ANOS1: variants seen among roughly 807,000 people sequenced by gnomAD.
ANOS1 encodes the protein anosmin 1.
Under a neutral mutation model 59.0 loss-of-function variants are expected in ANOS1, and 6 were observed. The observed-to-expected ratio is 0.10, with a 90% CI of 0.06 to 0.20. The LOEUF (loss-of-function observed/expected upper bound fraction) is 0.20. Among genes scored for constraint, ANOS1 ranks in the 10% least tolerant of loss-of-function variants. ANOS1 has a pLI of 1.00. For missense variants in ANOS1, 433 were observed against 542.3 expected (o/e 0.80, Z 2.00); for synonymous variants, 217 against 223.4 (o/e 0.97, Z 0.25).
intron 6 of ANOS1, among the ~76,000 whole-genome samples, chrX:8,575,997 T>C (rs1315665777): frequency 9.0e-6 from 1 of 111,429 alleles, no homozygotes; most frequent in South Asian, 3.8e-4. Context: ...TTGTCCTAGC[T>C]ACTCAGGAGG....
chrX:8,690,547 A>C (rs1347973482), intron 2 of ANOS1, among the ~76,000 whole-genome samples: 1 of 111,787 alleles, frequency 8.9e-6, no homozygotes, highest in Non-Finnish European at 1.9e-5. Context: ...TGTATGTCTG[A>C]GTTTTCATTT....
At chrX:8,619,398 G>A (rs1469198537) in intron 3 of ANOS1, among the ~76,000 whole-genome samples, 2 of 111,496 alleles carry the variant, frequency 1.8e-5, no homozygotes. Flanking sequence ...AAGGTCAGGA[G>A]ATGGAGACCA....
At chrX:8,701,218 A>C (rs1425958824) in intron 1 of ANOS1, among the ~76,000 whole-genome samples, 4 of 110,990 alleles carry the variant, frequency 3.6e-5, no homozygotes, top group Non-Finnish European at 7.5e-5. Context: ...AGTTCTCTGA[A>C]GTTCAAGGTG....
chrX:8,618,501 A>G (rs945356639), intron 3 of ANOS1, among the ~76,000 whole-genome samples: 3 of 112,026 alleles, frequency 2.7e-5, no homozygotes, highest in Non-Finnish European at 5.6e-5. Flanking sequence ...GTTTTATCCA[A>G]TGCTGACATC....
intron 2 of ANOS1, among the ~76,000 whole-genome samples, chrX:8,663,425 C>G (rs1023529618): frequency 7.2e-5 from 8 of 111,326 alleles, no homozygotes; most frequent in African/African-American, 2.3e-4. Context: ...AGTTTGCTGA[C>G]TCCTATTGAA....
Position 8,731,982 on chromosome X carries a change from A to G in ANOS1, c.55T>C (p.Ser19Pro). 1.8e-6 allele frequency: 2 copies of G among 1,101,050 alleles called. No individual in the cohort carries two copies. Among genetic ancestry groups the G allele is most frequent in the Non-Finnish European group, 2.4e-6 (2 of 844,836 alleles). The allele number at this position is 1,101,050 out of a possible 1,213,427, so 90.7% of individuals were successfully genotyped here. ...GGGCCGGCCGCCAGGCAGCCGCTGG[A>G]GGCCGCCAGCCAGAGGCAGAGGGTC... ...VLTLCLWLAA[S>P]SGCLAAGPGA... The change falls in exon 1 of 14, where the codon TCC becomes CCC. Residue 19 changes from serine (S) to proline (P), a missense_variant. Coordinates refer to ENST00000262648, the MANE Select transcript of ANOS1 (RefSeq NM_000216.4).
At chrX:8,570,810 G>C in intron 6 of ANOS1, 106 bp from the exon 7 acceptor site, 5 of 768,905 alleles carry the variant, frequency 6.5e-6, no homozygotes. Flanking sequence ...TTTATAGATA[G>C]AAAAGCTGAA....
chrX:8,604,450 A>G (rs1410172189), intron 3 of ANOS1, among the ~76,000 whole-genome samples: 2 of 112,431 alleles, frequency 1.8e-5, no homozygotes, highest in Non-Finnish European at 3.7e-5. Flanking sequence ...ATGTTTAGAA[A>G]TAACCTGAAT....
chrX:8,650,988 T>G (rs776581991), intron 2 of ANOS1, among the ~76,000 whole-genome samples: 1 of 113,168 alleles, frequency 8.8e-6, no homozygotes, highest in African/African-American at 3.2e-5. Context: ...CAGATTCTCA[T>G]GCAAATGTTC....
chrX:8,561,607 G>A (rs112640682), intron 8 of ANOS1, among the ~76,000 whole-genome samples: 4 of 107,786 alleles, frequency 3.7e-5, no homozygotes, highest in Admixed American at 1.0e-4. Flanking sequence ...GAGCCACCGC[G>A]CCCAGCCGGC....
rs771106832 is a variant in ANOS1, at chrX:8,568,260, G to C, written c.1179C>G (p.His393Gln). ...TGTTGGTTGCATGTGTCGATGTGAA[G>C]TGAAGGGACACCTTTGCACTCTTCA... ...TRLKSAKVSL[H>Q]FTSTHATNNK... The change falls in exon 8 of 14, where the codon CAC (histidine) becomes CAG (glutamine). Residue 393 changes from histidine (H) to glutamine (Q), a missense_variant. Physicochemically the swap from His to Gln is conservative, Grantham distance 24. Coordinates refer to ENST00000262648, the MANE Select transcript of ANOS1 (RefSeq NM_000216.4). The C allele has an allele frequency of 3.3e-6, 4 of 1,210,855 alleles. No individual in the cohort carries two copies. The South Asian group carries it at 7.0e-5, about 21-fold the overall frequency.
rs1263786228 is a variant in ANOS1 at position 8,529,194 on chromosome X, C to T, written c.*3801G>A. On this transcript the variant is annotated 3_prime_UTR_variant, in exon 14 of 14. Coordinates refer to ENST00000262648, the MANE Select transcript of ANOS1 (RefSeq NM_000216.4). ...AAGGGGAAAAGTAACTTTATATAGA[C>T]CTCTGTTAATCACTCCGTAAATCAT... The T allele has an allele frequency of 9.0e-6, 1 of 111,403 alleles. No homozygotes were observed. The highest frequency in any genetic ancestry group is 1.9e-5 in the Non-Finnish European group (1 of 53,108). 9.2% of individuals were successfully genotyped at this position (111,403 alleles called of 1,213,427 possible).
intron 1 of ANOS1, among the ~76,000 whole-genome samples, chrX:8,716,023 A>G (rs745391606): frequency 4.5e-5 from 5 of 111,245 alleles, no homozygotes; most frequent in South Asian, 3.9e-4. Context: ...AGAAAACTCA[A>G]TGAAGCAGCA....
At chrX:8,659,293 C>T (rs958115021) in intron 2 of ANOS1, among the ~76,000 whole-genome samples, 3 of 104,272 alleles carry the variant, frequency 2.9e-5, no homozygotes, top group Non-Finnish European at 6.0e-5. Context: ...TGCCTGTAGT[C>T]TCAGCTACTC....
intron 9 of ANOS1, among the ~76,000 whole-genome samples, chrX:8,546,014 G>A: frequency 8.9e-6 from 1 of 111,897 alleles, no homozygotes; most frequent in East Asian, 2.8e-4. Context: ...TCATACAGAG[G>A]AGATAATTTC....
chrX:8,568,960 C>T (rs1930170381), intron 7 of ANOS1, among the ~76,000 whole-genome samples: 1 of 111,814 alleles, frequency 8.9e-6, no homozygotes, highest in African/African-American at 3.3e-5. Context: ...TCTGAGACAC[C>T]ACCTCTCGAA....
chrX:8,579,718 G>A (rs957160352), intron 6 of ANOS1, among the ~76,000 whole-genome samples: 1 of 110,997 alleles, frequency 9.0e-6, no homozygotes, highest in African/African-American at 3.3e-5. Flanking sequence ...AGCAAGCTCC[G>A]CCAGCATGCA....
chrX:8,637,934 T>C (rs1048701616), intron 2 of ANOS1, among the ~76,000 whole-genome samples: 3 of 112,231 alleles, frequency 2.7e-5, no homozygotes, highest in Admixed American at 9.5e-5. Flanking sequence ...CTTGTGAAAA[T>C]GTGAGGGTTT....
chrX:8,655,513 C>T (rs925790367), intron 2 of ANOS1, among the ~76,000 whole-genome samples: 5 of 111,303 alleles, frequency 4.5e-5, no homozygotes, highest in African/African-American at 1.6e-4. Flanking sequence ...GGGTCCGAGG[C>T]CCTAGGATTG....
Sources: allele counts gnomAD v4.1 joint callset (sites outside exome capture counted in the v4.1 genomes callset), GRCh38; gene constraint gnomAD v4.1.1; transcripts MANE v1.5; gene names NCBI Gene and HGNC (gene_info 2026-07-23, HGNC 2026-07-21).